Variants in ZNF841 observed in about 807,000 individuals in gnomAD.
ZNF841 encodes the protein zinc finger protein 841.
A neutral mutation model predicts 13.0 loss-of-function variants in ZNF841; 11 were observed. That is an observed-to-expected ratio of 0.85 (90% CI 0.53 to 1.40). The LOEUF is 1.40. Among genes scored for constraint, ZNF841 ranks in the 40% most tolerant of loss-of-function variants. The probability of loss-of-function intolerance (pLI) is 0.00; values close to 1 mark genes in which losing one functional copy is unlikely to be tolerated. For missense variants in ZNF841, 1,068 were observed against 1,139.5 expected (o/e 0.94, Z 0.90); for synonymous variants, 369 against 381.6 (o/e 0.97, Z 0.38).
Position 52,074,516 on chromosome 19 carries a change from G to A in ZNF841, c.271+1528C>T, listed in dbSNP as rs1055427969. ...TGTGAACCTGGACAATGTTCTTCCC[G>A]GGAGAAATTTTTTTTTTTGAGACAA... On this transcript the variant is annotated intron_variant, in intron 6 of 6. Coordinates refer to ENST00000594440, the MANE Select transcript of ZNF841 (RefSeq NM_001136499.2). Among the ~76,000 whole-genome samples the A allele has an allele frequency of 5.3e-5, 8 of 151,952 alleles. No individual in the cohort carries two copies. In the South Asian group the frequency reaches 1.3e-3, roughly 24 times the overall value.
rs148037420 is a variant in ZNF841 at position 52,086,409 on chromosome 19, T to C, written c.-77-1531A>G. ...CTCTCTCTTGCTCCTGCTCCCGCCA[T>C]GTGAGACGCCTGTTCCTCCTTCACC... On this transcript the variant is annotated intron_variant, in intron 3 of 6. Coordinates refer to ENST00000594440, the MANE Select transcript of ZNF841 (RefSeq NM_001136499.2). 2.1e-3 allele frequency among the ~76,000 whole-genome samples: 314 copies of C among 152,310 alleles called. 1 individual carries two copies. Among genetic ancestry groups the C allele is most frequent in the East Asian group, 8.7e-3 (45 of 5,186 alleles).
chr19:52,073,552 G>T (rs974141674), intron 6 of ZNF841, among the ~76,000 whole-genome samples: 1 of 151,954 alleles, frequency 6.6e-6, no homozygotes, highest in African/African-American at 2.4e-5. Context: ...AAAATGATCC[G>T]CCTGCCTCAG....
Position 52,090,711 on chromosome 19 carries a change from A to AAGAAAGAAAGAAAG in ZNF841, c.-143-1710_-143-1709insCTTTCTTTCTTTCT, listed in dbSNP as rs2088465571. Among the ~76,000 whole-genome samples the AAGAAAGAAAGAAAG allele has an allele frequency of 1.1e-4, 16 of 139,764 alleles. No individual in the cohort carries two copies. In the Admixed American group the frequency reaches 1.2e-3, roughly 10 times the overall value. The allele number at this position is 139,764 out of a possible 152,430, so 91.7% of individuals were successfully genotyped here. On this transcript the variant is annotated intron_variant, in intron 2 of 6. Transcript: ENST00000594440. ...AGAAAGAAAGAAAGAAAGAAAGAGAAAGAAAGAAAGAAAAAAGAAAGGACT... is the reference window on the plus strand; with the variant it reads ...AGAAAGAAAGAAAGAAAGAAAGAGAAAGAAAGAAAGAAAGAGAAAGAAAGAAAAAAGAAAGGACT...
rs1283462270 is a variant in ZNF841 at position 52,077,021 on chromosome 19, G to A, written c.79C>T (p.Pro27Ser). 4 of 1,613,242 alleles carry A rather than the reference G, an allele frequency of 2.5e-6. 1 individual carries two copies. The Admixed American group carries it at 5.0e-5, about 20-fold the overall frequency. Residue 27 changes from proline to serine, a missense_variant, in exon 5 of 7, where the codon CCT (proline) becomes TCT (serine). Pro to Ser is a moderately conservative substitution (Grantham distance 74). Transcript: ENST00000594440. ...FSQEEWKCLD[P>S]VQKALYRDVM... ...TCCCTGTACAAAGCTTTCTGAACAG[G>A]GTCCAGGCATTTCCACTCCTCCTGA...
intron 3 of ZNF841, among the ~76,000 whole-genome samples, chr19:52,088,568 T>C (rs776059347): frequency 6.6e-5 from 10 of 152,092 alleles, no homozygotes; most frequent in Non-Finnish European, 1.3e-4. Flanking sequence ...TCAAAATAAA[T>C]GTAAAAAAAT....
At chr19:52,092,093 G>A (rs1033708715) in intron 2 of ZNF841, among the ~76,000 whole-genome samples, 5 of 142,818 alleles carry the variant, frequency 3.5e-5, no homozygotes, top group African/African-American at 5.0e-5. Context: ...AGTGAACTGA[G>A]ATTGAGCCAC....
chr19:52,065,349 C>T lies in ZNF841; in HGVS notation c.2533G>A (p.Gly845Arg). Residue 845 changes from glycine to arginine, a missense_variant, in exon 7 of 7, where the codon GGA (glycine) becomes AGA (arginine). Coordinates refer to ENST00000594440, the MANE Select transcript of ZNF841 (RefSeq NM_001136499.2). ...NLVYHQRNHT[G>R]EKPYKCMECG... ...TCCATACATTTGTATGGCTTCTCTC[C>T]AGTATGGTTTCTCTGATGGTAAACC... 6.2e-7 allele frequency: 1 copy of T among 1,608,164 alleles called. No homozygotes were observed. The highest frequency in any genetic ancestry group is 1.1e-5 in the South Asian group (1 of 90,648).
chr19:52,094,831 C>T (rs1013501154), intron 1 of ZNF841, among the ~76,000 whole-genome samples: 3 of 152,090 alleles, frequency 2.0e-5, no homozygotes, highest in Admixed American at 1.3e-4. Flanking sequence ...TATTTTGCTG[C>T]CCTTCATCTC....
intron 4 of ZNF841, among the ~76,000 whole-genome samples, chr19:52,078,746 A>G (rs1374984795): frequency 6.6e-6 from 1 of 152,004 alleles, no homozygotes; most frequent in East Asian, 1.9e-4. Flanking sequence ...TTTTAAGGCC[A>G]TAGAAACATT....
chr19:52,065,616 G>A lies in ZNF841; in HGVS notation c.2266C>T (p.Arg756Trp), dbSNP rs372543170. 59 of 1,611,962 alleles carry A rather than the reference G, an allele frequency of 3.7e-5. No homozygotes were observed. Among genetic ancestry groups the A allele is most frequent in the African/African-American group, 1.9e-4 (14 of 74,792 alleles). The change falls in exon 7 of 7, where the codon CGG (arginine) becomes TGG (tryptophan). Residue 756 changes from arginine (R) to tryptophan (W), a missense_variant. Physicochemically the swap from Arg to Trp is moderately radical, Grantham distance 101. Coordinates refer to ENST00000594440, the MANE Select transcript of ZNF841 (RefSeq NM_001136499.2). ...GGTTTCTCTCCAGTATGAATTCTCC[G>A]ATGCCTTGCCAGGGTTGTAGTGGAG... ...FNSTTTLARH[R>W]RIHTGEKPYK... is the part of the protein sequence containing the mutation.
At chr19:52,082,425 CA>C in intron 4 of ZNF841, among the ~76,000 whole-genome samples, 1 of 152,094 alleles carries the variant, frequency 6.6e-6, no homozygotes, top group African/African-American at 2.4e-5. Context: ...AAGATATACA[CA>C]AAAATTCAAA....
At chr19:52,094,402 G>A (rs1375478949) in intron 1 of ZNF841, among the ~76,000 whole-genome samples, 1 of 152,022 alleles carries the variant, frequency 6.6e-6, no homozygotes, top group Non-Finnish European at 1.5e-5. Flanking sequence ...CATTCTGAGC[G>A]TCTTTTTTTT....
intron 6 of ZNF841, among the ~76,000 whole-genome samples, chr19:52,075,481 A>C (rs1220789947): frequency 6.6e-6 from 1 of 152,178 alleles, no homozygotes; most frequent in Non-Finnish European, 1.5e-5. Context: ...AGAGTGTCCA[A>C]AGAAGAACTA....
Position 52,076,180 on chromosome 19 carries a change from T to TA in ZNF841, c.143-9dup, listed in dbSNP as rs1187204889. On this transcript the variant is annotated splice_polypyrimidine_tract_variant and intron_variant, in intron 5 of 6. Coordinates refer to ENST00000594440, the MANE Select transcript of ZNF841 (RefSeq NM_001136499.2). ...GGTCAGGAAGACAGAGTCCTGCTTATAAAAAAAGAAAGAAGATGTCCCACG... is the reference window on the plus strand; with the variant it reads ...GGTCAGGAAGACAGAGTCCTGCTTATAAAAAAAAGAAAGAAGATGTCCCACG... 1 of 1,549,470 alleles carries TA rather than the reference T, an allele frequency of 6.5e-7. No homozygotes were observed. Among genetic ancestry groups the TA allele is most frequent in the Non-Finnish European group, 8.7e-7 (1 of 1,146,372 alleles).
Position 52,077,091 on chromosome 19 carries a change from T to C in ZNF841, c.16-7A>G, listed in dbSNP as rs770955685. On this transcript the variant is annotated splice_polypyrimidine_tract_variant and splice_region_variant and intron_variant, in intron 4 of 6. Coordinates refer to ENST00000594440, the MANE Select transcript of ZNF841 (RefSeq NM_001136499.2). ...CCCTGAATGTCAAAGATCCCTGAAA[T>C]GAAAAACACATTTCAATATGAGCAG... The C allele has an allele frequency of 1.3e-5, 21 of 1,604,028 alleles. No homozygotes were observed. The highest frequency in any genetic ancestry group is 1.8e-5 in the Non-Finnish European group (21 of 1,175,944).
intron 4 of ZNF841, among the ~76,000 whole-genome samples, chr19:52,082,199 G>A (rs189225082): frequency 2.0e-5 from 3 of 152,208 alleles, no homozygotes; most frequent in Non-Finnish European, 4.4e-5. Flanking sequence ...AATTCTTATA[G>A]GAAGATGTGA....
At position 52,065,447 on chromosome 19, in the gene ZNF841, T is replaced by C; in HGVS notation, c.2435A>G (p.Gln812Arg). The change falls in exon 7 of 7, where the codon CAG becomes CGG. Residue 812 changes from glutamine (Q) to arginine (R), a missense_variant. Gln to Arg is a conservative substitution (Grantham distance 43). Transcript: ENST00000594440. ...FRVRSILLNHQMMHTGEKPYK... is the reference protein window; with the variant it reads ...FRVRSILLNHRMMHTGEKPYK... Reference sequence around the variant, plus strand: ...AGGTTTCTCTCCAGTATGCATCATCTGATGATTAAGCAGAATTGAACGTAC... The same window carrying C: ...AGGTTTCTCTCCAGTATGCATCATCCGATGATTAAGCAGAATTGAACGTAC... The C allele has an allele frequency of 6.2e-7, 1 of 1,613,980 alleles. No individual in the cohort carries two copies. The highest frequency in any genetic ancestry group is 8.5e-7 in the Non-Finnish European group (1 of 1,179,974).
chr19:52,059,011 G>C, the ZNF841 span: 1 of 153,378 alleles, frequency 6.5e-6, no homozygotes, highest in African/African-American at 2.4e-5. Context: ...TGAAAAACTT[G>C]GAGGATCCAT....
At chr19:52,087,295 C>T (rs2088306056) in intron 3 of ZNF841, among the ~76,000 whole-genome samples, 2 of 152,152 alleles carry the variant, frequency 1.3e-5, no homozygotes, top group South Asian at 2.1e-4. Flanking sequence ...ATGTGTTGTA[C>T]ACATTATTTC....
Sources: allele counts gnomAD v4.1 joint callset (sites outside exome capture counted in the v4.1 genomes callset), GRCh38; gene constraint gnomAD v4.1.1; transcripts MANE v1.5; gene names NCBI Gene and HGNC (gene_info 2026-07-23, HGNC 2026-07-21).